The following CDYL2 variants were observed in gnomAD, a reference collection of about 807,000 sequenced individuals.
CDYL2 encodes chromodomain Y-like protein 2.
Under a neutral mutation model 49.4 loss-of-function variants are expected in CDYL2, and 23 were observed. That is an observed-to-expected ratio of 0.47 (90% CI 0.34 to 0.66). The LOEUF (loss-of-function observed/expected upper bound fraction) is 0.66, where lower values mean the gene tolerates loss of function less well. Among genes scored for constraint, CDYL2 ranks in the 30% least tolerant of loss-of-function variants. CDYL2 has a pLI of 0.01. For synonymous variants in CDYL2, 360 were observed against 268.8 expected (o/e 1.34, Z -3.32); for missense variants, 678 against 656.4 (o/e 1.03, Z -0.36).
intron 1 of CDYL2, among the ~76,000 whole-genome samples, chr16:80,725,475 C>T (rs1905135100): frequency 6.6e-6 from 1 of 152,190 alleles, no homozygotes; most frequent in Non-Finnish European, 1.5e-5. Context: ...ACTGCTGTGT[C>T]CCCAGCATAG....
intron 1 of CDYL2, among the ~76,000 whole-genome samples, chr16:80,750,729 A>G (rs1906102914): frequency 6.6e-6 from 1 of 152,158 alleles, no homozygotes; most frequent in African/African-American, 2.4e-5. Context: ...TTATTAATAA[A>G]CTATTTCAGG....
chr16:80,643,253 T>C (rs1306038422), intron 2 of CDYL2, among the ~76,000 whole-genome samples: 3 of 152,124 alleles, frequency 2.0e-5, no homozygotes, highest in Admixed American at 1.3e-4. Context: ...AGGTCTCACA[T>C]CCAGGTCACG....
intron 4 of CDYL2, among the ~76,000 whole-genome samples, chr16:80,619,435 A>G (rs957851329): frequency 2.6e-5 from 4 of 152,194 alleles, no homozygotes; most frequent in African/African-American, 9.6e-5. Context: ...ACTTCTGGAA[A>G]TCCAGCTAAC....
At chr16:80,759,638 G>T (rs1170807942) in intron 1 of CDYL2, among the ~76,000 whole-genome samples, 1 of 152,104 alleles carries the variant, frequency 6.6e-6, no homozygotes, top group Non-Finnish European at 1.5e-5. Flanking sequence ...TCTCTGAGGT[G>T]GAAAAACACA....
At chr16:80,714,335 T>C (rs765764114) in intron 1 of CDYL2, among the ~76,000 whole-genome samples, 2 of 152,096 alleles carry the variant, frequency 1.3e-5, no homozygotes, top group Non-Finnish European at 2.9e-5. Flanking sequence ...AGATTTTGAA[T>C]GTTCCCCACA....
At chr16:80,622,394 A>G (rs1907121619) in intron 3 of CDYL2, among the ~76,000 whole-genome samples, 1 of 151,518 alleles carries the variant, frequency 6.6e-6, no homozygotes, top group Non-Finnish European at 1.5e-5. Flanking sequence ...TTTATGACCC[A>G]CCCTATTCTC....
chr16:80,734,336 T>C (rs1482089434), intron 1 of CDYL2, among the ~76,000 whole-genome samples: 1 of 152,186 alleles, frequency 6.6e-6, no homozygotes, highest in East Asian at 1.9e-4. Flanking sequence ...ATCATCTTTG[T>C]GTCTGTACCA....
intron 1 of CDYL2, among the ~76,000 whole-genome samples, chr16:80,774,007 G>C (rs764482211): frequency 1.3e-5 from 2 of 152,090 alleles, no homozygotes; most frequent in Non-Finnish European, 2.9e-5. Context: ...GGGAGCTCTG[G>C]GGTGCTGGCA....
At chr16:80,665,471 A>G (rs1368207193) in intron 2 of CDYL2, among the ~76,000 whole-genome samples, 1 of 145,070 alleles carries the variant, frequency 6.9e-6, no homozygotes, top group Admixed American at 7.0e-5. Context: ...ACCAAGTATT[A>G]GGTTGGTGAA....
intron 1 of CDYL2, among the ~76,000 whole-genome samples, chr16:80,708,646 C>A (rs934078529): frequency 6.6e-6 from 1 of 152,160 alleles, no homozygotes; most frequent in South Asian, 2.1e-4. Flanking sequence ...ACCTGTCCCA[C>A]CTGGCTGCAA....
intron 2 of CDYL2, among the ~76,000 whole-genome samples, chr16:80,657,051 C>G (rs958036134): frequency 6.6e-6 from 1 of 152,142 alleles, no homozygotes; most frequent in African/African-American, 2.4e-5. Flanking sequence ...GAACGAGAAA[C>G]GAAAACAAAA....
intron 2 of CDYL2, among the ~76,000 whole-genome samples, chr16:80,634,411 C>T (rs150277655): frequency 0.01 from 1,572 of 152,290 alleles, 33 homozygotes; most frequent in African/African-American, 0.036. Flanking sequence ...AAACCAAACA[C>T]CGCATGTTCT....
chr16:80,753,864 A>G (rs1906219903), intron 1 of CDYL2, among the ~76,000 whole-genome samples: 1 of 152,254 alleles, frequency 6.6e-6, no homozygotes, highest in Non-Finnish European at 1.5e-5. Context: ...TTGTGAGAAG[A>G]TATTTATGAT....
At chr16:80,621,525 G>A (rs1356121443) in intron 3 of CDYL2, among the ~76,000 whole-genome samples, 4 of 152,226 alleles carry the variant, frequency 2.6e-5, no homozygotes, top group Non-Finnish European at 5.9e-5. Flanking sequence ...TGGGACCTGA[G>A]CCATGCTGGT....
intron 2 of CDYL2, among the ~76,000 whole-genome samples, chr16:80,638,338 G>C (rs1003759664): frequency 5.3e-5 from 8 of 152,152 alleles, no homozygotes; most frequent in Non-Finnish European, 1.0e-4. Flanking sequence ...GGCTCCCAAA[G>C]TGCTGGGATT....
At chr16:80,792,696 G>T (rs527348265) in intron 1 of CDYL2, among the ~76,000 whole-genome samples, 8 of 152,252 alleles carry the variant, frequency 5.3e-5, no homozygotes, top group African/African-American at 1.9e-4. Flanking sequence ...ACTCCACCCA[G>T]GAGTATCACG....
chr16:80,639,794 T>C (rs755936487), intron 2 of CDYL2: 3 of 451,916 alleles, frequency 6.6e-6, no homozygotes, highest in Non-Finnish European at 1.3e-5. Context: ...GAAAGCACGT[T>C]TGTGCACTGT....
At chr16:80,669,225 G>A (rs571360541) in intron 2 of CDYL2, among the ~76,000 whole-genome samples, 13 of 152,082 alleles carry the variant, frequency 8.5e-5, no homozygotes, top group South Asian at 2.1e-4. Context: ...ATGGGAAGAC[G>A]ACAGGCCAAG....
In CDYL2 at chr16:80,603,595, G is replaced by A. The variant is rs1238471108; in HGVS notation, c.*793C>T. The A allele has an allele frequency of 3.9e-5, 6 of 152,628 alleles. No homozygotes were observed. The highest frequency in any genetic ancestry group is 7.4e-5 in the Non-Finnish European group (5 of 68,022). 9.5% of individuals were successfully genotyped at this position (152,628 alleles called of 1,614,324 possible). A position where few individuals can be genotyped will look rare whatever the true frequency, so the allele number is the denominator to read the frequency against. ...ACCAAACGGCATGAACCTTGTGTGG[G>A]ATTTGGTCCAGGGTAGTATGAAAAT... On this transcript the variant is annotated 3_prime_UTR_variant, in exon 7 of 7. Coordinates refer to ENST00000570137, the MANE Select transcript of CDYL2 (RefSeq NM_152342.4).
Sources: gnomAD v4.1 joint callset for allele counts (sites outside exome capture counted in the v4.1 genomes callset) on GRCh38, gnomAD v4.1.1 for gene constraint, MANE v1.5 for transcripts, NCBI Gene and HGNC (gene_info 2026-07-23, HGNC 2026-07-21) for gene names.